RAD51B: variants seen among roughly 807,000 people sequenced by gnomAD.
RAD51B encodes RAD51 paralog B.
RAD51B carries 38 observed loss-of-function variants against 42.2 expected under a neutral mutation model. The observed-to-expected ratio is 0.90, with a 90% CI of 0.70 to 1.18. The LOEUF (loss-of-function observed/expected upper bound fraction) is 1.18. Among genes scored for constraint, RAD51B ranks in the 50% most tolerant of loss-of-function variants. The probability of loss-of-function intolerance (pLI) is 0.00; values close to 1 mark genes in which losing one functional copy is unlikely to be tolerated. For missense variants in RAD51B, 373 were observed against 400.7 expected (o/e 0.93, Z 0.59); for synonymous variants, 154 against 145.2 (o/e 1.06, Z -0.43).
At chr14:68,339,953 C>A (rs1175583490) in intron 8 of RAD51B, among the ~76,000 whole-genome samples, 1 of 152,092 alleles carries the variant, frequency 6.6e-6, no homozygotes, top group Non-Finnish European at 1.5e-5. Flanking sequence ...TGAGATGTGA[C>A]CATATAATGA....
At chr14:68,202,525 T>A (rs1003951528) in intron 7 of RAD51B, among the ~76,000 whole-genome samples, 30 of 150,852 alleles carry the variant, frequency 2.0e-4, no homozygotes, top group African/African-American at 7.3e-4. Flanking sequence ...CAGGAGTAGA[T>A]CCCATCTCAA....
chr14:68,204,789 T>C (rs1276886915), intron 7 of RAD51B, among the ~76,000 whole-genome samples: 1 of 152,230 alleles, frequency 6.6e-6, no homozygotes, highest in Non-Finnish European at 1.5e-5. Flanking sequence ...TTGTGCTCTT[T>C]ATAAGAATTA....
At chr14:67,873,576 T>C (rs1364324674) in intron 5 of RAD51B, among the ~76,000 whole-genome samples, 1 of 151,956 alleles carries the variant, frequency 6.6e-6, no homozygotes, top group African/African-American at 2.4e-5. Context: ...GACCCAGCCA[T>C]CCAATTACTG....
intron 8 of RAD51B, among the ~76,000 whole-genome samples, chr14:68,325,544 G>T (rs1348263018): frequency 6.6e-6 from 1 of 151,426 alleles, no homozygotes; most frequent in South Asian, 2.1e-4. Context: ...ATCTTTTGGT[G>T]TGTAGGTATA....
chr14:68,124,558 C>T (rs931662062), intron 7 of RAD51B, among the ~76,000 whole-genome samples: 4 of 152,150 alleles, frequency 2.6e-5, no homozygotes, highest in Non-Finnish European at 4.4e-5. Flanking sequence ...GAATTATTTT[C>T]GTTCATTTTG....
chr14:68,066,364 T>C (rs902399722), intron 7 of RAD51B, among the ~76,000 whole-genome samples: 1 of 152,204 alleles, frequency 6.6e-6, no homozygotes, highest in Non-Finnish European at 1.5e-5. Flanking sequence ...TTTTCTGTTT[T>C]AAAATTTTTT....
At position 68,645,247 on chromosome 14, in the gene RAD51B, C is replaced by T. The variant is rs537508604; in HGVS notation, c.1037-5534C>T. On this transcript the variant is annotated intron_variant, in intron 10 of 11. Coordinates refer to the RAD51B transcript ENST00000488612. The stretch of plus-strand genomic sequence containing the variant: ...GTATCTCGTGAGTGGAATCATATAG[C>T]ATTTGTCTTTTAGTGATTGGCTTAT... Among the ~76,000 whole-genome samples the T allele has an allele frequency of 1.1e-4, 17 of 152,272 alleles. No individual in the cohort carries two copies. The South Asian group carries it at 3.5e-3, about 32-fold the overall frequency.
In RAD51B at chr14:68,469,733, A is replaced by G. The variant is rs775294463; in HGVS notation, c.1036+1483A>G. Among the ~76,000 whole-genome samples the G allele has an allele frequency of 2.3e-4, 35 of 152,246 alleles. 1 individual carries two copies. Among genetic ancestry groups the G allele is most frequent in the Admixed American group, 1.9e-3 (29 of 15,284 alleles). On this transcript the variant is annotated intron_variant, in intron 10 of 10. Transcript: ENST00000471583. ...GAGGCCTTCTTAAAAGATTAGAAGT[A>G]TAGTAAGTAGCAAATTTCGTTGAAG...
chr14:68,661,652 G>A lies in RAD51B; in HGVS notation c.*11+10796G>A, dbSNP rs1316740384. On this transcript the variant is annotated intron_variant, in intron 11 of 11. Coordinates refer to the RAD51B transcript ENST00000488612. ...CCCAAGGAAGTGTTAGCATGAAGGG[G>A]GCGTGGCATGCAAACATATTCATGT... Among the ~76,000 whole-genome samples, 2 of 152,194 alleles carry A rather than the reference G, an allele frequency of 1.3e-5. 1 individual carries two copies. The highest frequency in any genetic ancestry group is 6.3e-3 in the Middle Eastern group (2 of 316).
intron 8 of RAD51B, among the ~76,000 whole-genome samples, chr14:68,310,534 A>G (rs1329338325): frequency 6.6e-6 from 1 of 152,114 alleles, no homozygotes; most frequent in African/African-American, 2.4e-5. Context: ...GTGAGGGGGA[A>G]GGGGGCAGTC....
At chr14:68,110,580 A>G (rs887636292) in intron 7 of RAD51B, among the ~76,000 whole-genome samples, 7 of 152,044 alleles carry the variant, frequency 4.6e-5, no homozygotes, top group African/African-American at 1.7e-4. Flanking sequence ...AATTATTACT[A>G]CTTATTGAAC....
At chr14:68,478,661 C>A (rs144281487), downstream of RAD51B, among the ~76,000 whole-genome samples, 56 of 152,354 alleles carry the variant, frequency 3.7e-4, no homozygotes, top group African/African-American at 1.3e-3. Flanking sequence ...TTAGTGACCT[C>A]AAGCTGTCCT....
rs370916979 is a variant in RAD51B at position 68,589,868 on chromosome 14, T to C, written c.1037-4617T>C. Among the ~76,000 whole-genome samples, 11 of 152,236 alleles carry C rather than the reference T, an allele frequency of 7.2e-5. No homozygotes were observed. In the East Asian group the frequency reaches 2.1e-3, roughly 29 times the overall value. On this transcript the variant is annotated intron_variant, in intron 10 of 10. Transcript: ENST00000487270. ...GCTTTTTCCCCCCCATTTTCAGTTT[T>C]TGGCTTTTTCATTAGCTCATCAAGC...
chr14:68,201,129 G>A (rs868371762), intron 7 of RAD51B, among the ~76,000 whole-genome samples: 20 of 152,022 alleles, frequency 1.3e-4, no homozygotes, highest in Admixed American at 7.9e-4. Context: ...AATCATATTC[G>A]GAGTTTCATA....
At chr14:68,169,645 G>A (rs2078828775) in intron 7 of RAD51B, among the ~76,000 whole-genome samples, 1 of 150,266 alleles carries the variant, frequency 6.7e-6, no homozygotes, top group African/African-American at 2.5e-5. Flanking sequence ...GAGTCCTGCT[G>A]GCTCGAATTT....
chr14:68,344,653 A>G (rs1479048511), intron 8 of RAD51B, among the ~76,000 whole-genome samples: 1 of 147,964 alleles, frequency 6.8e-6, no homozygotes, highest in Non-Finnish European at 1.5e-5. Flanking sequence ...TCTCAAAAAT[A>G]AATAAATAAA....
At chr14:68,083,842 A>G (rs2076948407) in intron 7 of RAD51B, among the ~76,000 whole-genome samples, 1 of 152,156 alleles carries the variant, frequency 6.6e-6, no homozygotes, top group African/African-American at 2.4e-5. Flanking sequence ...TACAAGCGAC[A>G]ATAAAACTTA....
At chr14:67,871,238 A>G (rs2042519524) in intron 5 of RAD51B, among the ~76,000 whole-genome samples, 1 of 152,112 alleles carries the variant, frequency 6.6e-6, no homozygotes. Context: ...GATGCAATAA[A>G]AAATGATAAA....
At chr14:68,643,281 T>G (rs1315433215) in intron 10 of RAD51B, among the ~76,000 whole-genome samples, 1 of 152,242 alleles carries the variant, frequency 6.6e-6, no homozygotes, top group Non-Finnish European at 1.5e-5. Flanking sequence ...CCTGATAACT[T>G]TCCTTGGTCT....
Sources: allele counts gnomAD v4.1 joint callset (sites outside exome capture counted in the v4.1 genomes callset), GRCh38; gene constraint gnomAD v4.1.1; transcripts MANE v1.5; gene names NCBI Gene and HGNC (gene_info 2026-07-23, HGNC 2026-07-21).